Variants in SPTBN1 observed in about 807,000 individuals in gnomAD.
The protein encoded by SPTBN1 is spectrin beta, non-erythrocytic 1, also known as spectrin beta chain, non-erythrocytic 1.
A neutral mutation model predicts 266.4 loss-of-function variants in SPTBN1; 32 were observed. That is an observed-to-expected ratio of 0.12 (90% CI 0.09 to 0.16). The LOEUF is 0.16. Ranked by LOEUF, SPTBN1 falls within the 10% of genes least tolerant of loss-of-function variation. SPTBN1 has a pLI of 1.00. For synonymous variants in SPTBN1, 1,336 were observed against 1,162.2 expected (o/e 1.15, Z -3.04); for missense variants, 2,296 against 3,067.1 (o/e 0.75, Z 5.94).
At chr2:54,545,805 C>T (rs919199396) in intron 2 of SPTBN1, among the ~76,000 whole-genome samples, 3 of 152,114 alleles carry the variant, frequency 2.0e-5, no homozygotes, top group African/African-American at 7.2e-5. Context: ...GCCCTCAGAC[C>T]TCTAAGATTG....
chr2:54,648,810 T>G (rs950257798), intron 24 of SPTBN1, among the ~76,000 whole-genome samples, 176 bp from the exon 25 acceptor site: 8 of 152,220 alleles, frequency 5.3e-5, no homozygotes, highest in Non-Finnish European at 1.2e-4. Flanking sequence ...CTTCACGACT[T>G]CAAATTGTGG....
intron 1 of SPTBN1, among the ~76,000 whole-genome samples, chr2:54,481,704 A>C (rs1668114543): frequency 6.6e-6 from 1 of 152,138 alleles, no homozygotes; most frequent in Non-Finnish European, 1.5e-5. Flanking sequence ...TAATCTTTTG[A>C]AGAAAAATGC....
At chr2:54,493,082 T>C (rs557972833) in intron 1 of SPTBN1, among the ~76,000 whole-genome samples, 33 of 148,262 alleles carry the variant, frequency 2.2e-4, no homozygotes, top group African/African-American at 7.7e-4. Flanking sequence ...CAGAGCTCAC[T>C]GCAACCTCCG....
intron 1 of SPTBN1, among the ~76,000 whole-genome samples, chr2:54,477,163 T>C (rs1231900186): frequency 6.6e-6 from 1 of 152,190 alleles, no homozygotes; most frequent in Non-Finnish European, 1.5e-5. Flanking sequence ...TATTAAATAT[T>C]TCTCTACCAG....
At chr2:54,538,546 C>T (rs75197984) in intron 2 of SPTBN1, among the ~76,000 whole-genome samples, 6,184 of 152,316 alleles carry the variant, frequency 0.041, 181 homozygotes, top group Non-Finnish European at 0.062. Context: ...TTAGCCTTTT[C>T]ATCCTCTGGT....
chr2:54,668,502 G>C lies in SPTBN1; in HGVS notation c.7028G>C (p.Gly2343Ala). 1 of 1,614,162 alleles carries C rather than the reference G, an allele frequency of 6.2e-7. No homozygotes were observed. The highest frequency in any genetic ancestry group is 1.1e-5 in the South Asian group (1 of 91,084). The stretch of plus-strand genomic sequence containing the variant: ...ACCATCACCAGCGAGTCCAGTCCCG[G>C]CAAGCGGGAAAAGGACAAAGAGAAA... ...VVTITSESSP[G>A]KREKDKEKDK... The change falls in exon 36 of 36, where the codon GGC (glycine) becomes GCC (alanine). Residue 2343 changes from glycine (G) to alanine (A), a missense_variant. Physicochemically the swap from Gly to Ala is moderately conservative, Grantham distance 60. Transcript: ENST00000356805.
intron 1 of SPTBN1, among the ~76,000 whole-genome samples, chr2:54,475,403 T>A (rs1033906797): frequency 6.6e-6 from 1 of 152,202 alleles, no homozygotes; most frequent in Non-Finnish European, 1.5e-5. Context: ...CTGTTATCTA[T>A]GTTTAGAAAC....
chr2:54,496,700 G>A (rs1375899952), intron 1 of SPTBN1, among the ~76,000 whole-genome samples: 1 of 152,196 alleles, frequency 6.6e-6, no homozygotes, highest in Non-Finnish European at 1.5e-5. Context: ...ACTTGCAAAT[G>A]ATAATAACAA....
chr2:54,458,607 A>G (rs1313266596), intron 1 of SPTBN1, among the ~76,000 whole-genome samples: 1 of 152,212 alleles, frequency 6.6e-6, no homozygotes, highest in Non-Finnish European at 1.5e-5. Context: ...CAGACCACCA[A>G]GGCCTCTTGA....
At position 54,647,245 on chromosome 2, in the gene SPTBN1, G is replaced by A. The variant is rs772742970; in HGVS notation, c.4981G>A (p.Asp1661Asn). 11 of 1,613,760 alleles carry A rather than the reference G, an allele frequency of 6.8e-6. No individual in the cohort carries two copies. The highest frequency in any genetic ancestry group is 1.6e-4 in the Middle Eastern group (1 of 6,076). The change falls in exon 24 of 36, where the codon GAC becomes AAC. Residue 1661 changes from aspartate (D) to asparagine (N), a missense_variant. Coordinates refer to ENST00000356805, the MANE Select transcript of SPTBN1 (RefSeq NM_003128.3). The part of the protein sequence containing the change: ...LSKTSRALVA[D>N]SHPESERISM... ...CAAGACCAGCCGGGCCCTGGTGGCC[G>A]ACAGCCATCCTGAAAGGTGAGCGCT...
chr2:54,487,572 A>G (rs1558770538), intron 1 of SPTBN1, among the ~76,000 whole-genome samples: 1 of 152,154 alleles, frequency 6.6e-6, no homozygotes, highest in African/African-American at 2.4e-5. Flanking sequence ...ACAAAGCTGC[A>G]TACTTTTCCT....
At chr2:54,624,418 G>A (rs573815008) in intron 10 of SPTBN1, among the ~76,000 whole-genome samples, 1 of 152,270 alleles carries the variant, frequency 6.6e-6, no homozygotes, top group East Asian at 1.9e-4. Flanking sequence ...GTGGCCCAGG[G>A]TGGAATGAAT....
intron 3 of SPTBN1, among the ~76,000 whole-genome samples, chr2:54,599,819 A>G (rs1260019371): frequency 6.6e-6 from 1 of 152,166 alleles, no homozygotes; most frequent in Non-Finnish European, 1.5e-5. Context: ...CTGCAATGAA[A>G]ATTGTATCCC....
chr2:54,476,560 C>G (rs747313470), intron 1 of SPTBN1, among the ~76,000 whole-genome samples: 4 of 152,214 alleles, frequency 2.6e-5, no homozygotes, highest in Non-Finnish European at 5.9e-5. Flanking sequence ...AACAGGCATT[C>G]TGGAGGTGGA....
intron 2 of SPTBN1, among the ~76,000 whole-genome samples, chr2:54,567,078 GGT>G (rs1365287266): frequency 6.6e-6 from 1 of 152,176 alleles, no homozygotes; most frequent in Non-Finnish European, 1.5e-5. Context: ...AAAGTGCATG[GGT>G]GTGTTTCAGC....
intron 1 of SPTBN1, among the ~76,000 whole-genome samples, chr2:54,505,681 G>A (rs1355773169): frequency 6.6e-6 from 1 of 152,110 alleles, no homozygotes; most frequent in East Asian, 1.9e-4. Flanking sequence ...GGACACTCTT[G>A]GCTTGGTCAG....
intron 2 of SPTBN1, among the ~76,000 whole-genome samples, chr2:54,576,248 T>C (rs937729732): frequency 2.6e-5 from 4 of 151,906 alleles, no homozygotes; most frequent in African/African-American, 9.7e-5. Flanking sequence ...GAGACAGGGT[T>C]TTACCATGTT....
rs932976612 is a variant in SPTBN1 at position 54,671,090 on chromosome 2, TGAAGAGTAA to T, written c.*2526_*2534del. 3.2e-6 allele frequency: 1 copy of T among 316,722 alleles called. No homozygotes were observed. Among genetic ancestry groups the T allele is most frequent in the African/African-American group, 2.1e-5 (1 of 47,038 alleles). The allele number at this position is 316,722 out of a possible 1,614,324, so 19.6% of individuals were successfully genotyped here. Reference sequence around the variant, plus strand: ...GACAATACTGGCCCCTCCATAAATCTGAAGAGTAAGAAGTAGTGAAAATAAGGCTTAGGA... The same window carrying T: ...GACAATACTGGCCCCTCCATAAATCTGAAGTAGTGAAAATAAGGCTTAGGA... On this transcript the variant is annotated 3_prime_UTR_variant, in exon 36 of 36. Coordinates refer to ENST00000356805, the MANE Select transcript of SPTBN1 (RefSeq NM_003128.3).
In SPTBN1 at chr2:54,525,395, G is replaced by A. The variant is rs974948186; in HGVS notation, c.-47-977G>A. Among the ~76,000 whole-genome samples the A allele has an allele frequency of 3.3e-5, 5 of 152,170 alleles. No homozygotes were observed. The East Asian group carries it at 7.8e-4, about 24-fold the overall frequency. ...CAAGTAGCTGGGATTATAGGCATGC[G>A]CCACCACGCCCAGCTAATTTTTTAT... On this transcript the variant is annotated intron_variant, in intron 1 of 35. Transcript: ENST00000356805.
Sources: allele counts gnomAD v4.1 joint callset (sites outside exome capture counted in the v4.1 genomes callset), GRCh38; gene constraint gnomAD v4.1.1; transcripts MANE v1.5; gene names NCBI Gene and HGNC (gene_info 2026-07-23, HGNC 2026-07-21).